Variants in GOLGA1 observed in about 807,000 individuals in gnomAD.
GOLGA1 encodes the protein golgin subfamily A member 1.
In GOLGA1, 63 loss-of-function variants were observed where a neutral mutation model predicts 119.7. The observed-to-expected ratio is 0.53, with a 90% CI of 0.43 to 0.65. The LOEUF (loss-of-function observed/expected upper bound fraction) is 0.65, where lower values mean the gene tolerates loss of function less well. Ranked by LOEUF, GOLGA1 falls within the 30% of genes least tolerant of loss-of-function variation. The pLI, the probability that GOLGA1 is intolerant of heterozygous loss-of-function variation, is 0.00. For synonymous variants in GOLGA1, 318 were observed against 333.4 expected, an observed-to-expected ratio of 0.95 and a Z score of 0.50; for missense variants, 798 against 912.8, an observed-to-expected ratio of 0.87 and a Z score of 1.62.
At chr9:124,913,750 C>A (rs662261) in intron 10 of GOLGA1, among the ~76,000 whole-genome samples, 149,682 of 152,320 alleles carry the variant, frequency 0.98, 73,594 homozygotes, top group East Asian at 1. Context: ...CAGACACACA[C>A]CTAATTACAA....
intron 7 of GOLGA1, among the ~76,000 whole-genome samples, chr9:124,924,722 A>G (rs573324562): frequency 6.6e-6 from 1 of 152,018 alleles, no homozygotes; most frequent in East Asian, 1.9e-4. Flanking sequence ...GACTGAAAAA[A>G]AAAAAAAAAA....
At position 124,888,318 on chromosome 9, in the gene GOLGA1, T is replaced by C. The variant is rs748619916; in HGVS notation, c.1840A>G (p.Met614Val). The C allele has an allele frequency of 1.9e-6, 3 of 1,613,846 alleles. No individual in the cohort carries two copies. The highest frequency in any genetic ancestry group is 2.7e-5 in the African/African-American group (2 of 74,914). Residue 614 changes from methionine (M) to valine (V), a missense_variant, in exon 19 of 23, where the codon ATG (methionine) becomes GTG (valine). Transcript: ENST00000373555. This position sits in a 1 kb window ranked among gnomAD's most constrained non-coding sequence, Gnocchi z 4.4. ...GRTPNGEVGAMDLTQLQKEKQ... is the reference protein window; with the variant it reads ...GRTPNGEVGAVDLTQLQKEKQ... Reference sequence around the variant, plus strand: ...TCCTTCTGTAGCTGTGTGAGATCCATGGCCCCAACCTCACCATTTGGTGTT... The same window carrying C: ...TCCTTCTGTAGCTGTGTGAGATCCACGGCCCCAACCTCACCATTTGGTGTT...
In GOLGA1 at chr9:124,880,464, G is replaced by T; in HGVS notation, c.*66C>A. 1 of 861,108 alleles carries T rather than the reference G, an allele frequency of 1.2e-6. No individual in the cohort carries two copies. The highest frequency in any genetic ancestry group is 2.0e-6 in the Non-Finnish European group (1 of 495,176). 53.3% of individuals were successfully genotyped at this position (861,108 alleles called of 1,614,324 possible). A position where few individuals can be genotyped will look rare whatever the true frequency, so the allele number is the denominator to read the frequency against. ...AGTGATTAAAAACCCACCCAGACTG[G>T]TGTGTCAGTGTTCTTTTCACAGAAA... On this transcript the variant is annotated 3_prime_UTR_variant, in exon 23 of 23. Transcript: ENST00000373555.
At chr9:124,894,863 AAGAACTTCCACAACAG>A (rs1169055753) in intron 15 of GOLGA1, among the ~76,000 whole-genome samples, 4 of 152,170 alleles carry the variant, frequency 2.6e-5, no homozygotes, top group African/African-American at 9.7e-5. Context: ...AAATACAACA[AAGAACTTCCACAACAG>A]AGAACCTCCA....
Position 124,898,605 on chromosome 9 carries a change from T to G in GOLGA1, c.1351A>C (p.Arg451=). Residue 451 remains arginine (R), a synonymous_variant, in exon 15 of 23, where the codon AGG becomes CGG. Transcript: ENST00000373555. Reference sequence around the variant, plus strand: ...TGTAAAGAACGTTCATATTCATTCCTGCATTCTTTAAGGGCTGCATTTTCT... The same window carrying G: ...TGTAAAGAACGTTCATATTCATTCCGGCATTCTTTAAGGGCTGCATTTTCT... The part of the protein sequence containing the change: ...EQENAALKEC[R]NEYERSLQNH... 1 of 1,611,858 alleles carries G rather than the reference T, an allele frequency of 6.2e-7. No individual in the cohort carries two copies.
Position 124,921,879 on chromosome 9 carries a change from T to C in GOLGA1, c.575A>G (p.Glu192Gly). 1 of 1,612,398 alleles carries C rather than the reference T, an allele frequency of 6.2e-7. No individual in the cohort carries two copies. The highest frequency in any genetic ancestry group is 8.5e-7 in the Non-Finnish European group (1 of 1,179,426). The change falls in exon 9 of 23, where the codon GAA becomes GGA. Residue 192 changes from glutamate (E) to glycine (G), a missense_variant. Transcript: ENST00000373555. The stretch of plus-strand genomic sequence containing the variant: ...TTGTTCCATTTTCCCTAGACTTTCT[T>C]CTTTTTTTAAAAGCTGACACAAAAA... Reference protein sequence around the residue: ...SKIKHMLLKKEESLGKMEQEL... With the variant: ...SKIKHMLLKKGESLGKMEQEL...
rs1830606523 is a variant in GOLGA1 at position 124,923,242 on chromosome 9, C to G, written c.433-19G>C. The G allele has an allele frequency of 1.3e-6, 2 of 1,566,714 alleles. No individual in the cohort carries two copies. The highest frequency in any genetic ancestry group is 8.7e-7 in the Non-Finnish European group (1 of 1,149,130). On this transcript the variant is annotated intron_variant, in intron 7 of 22. Transcript: ENST00000373555. ...TTTTCTCCTATTTGAAAGAAGAAGACATCAACTCAGGCAACGAAAGCATTA... is the reference window on the plus strand; with the variant it reads ...TTTTCTCCTATTTGAAAGAAGAAGAGATCAACTCAGGCAACGAAAGCATTA...
rs151188998 is a variant in GOLGA1, at chr9:124,912,606, G to A, written c.844-580C>T. Among the ~76,000 whole-genome samples the A allele has an allele frequency of 9.8e-3, 1,489 of 152,222 alleles. 19 individuals are homozygous for A. The highest frequency in any genetic ancestry group is 0.034 in the African/African-American group (1,418 of 41,536). On this transcript the variant is annotated intron_variant, in intron 10 of 22. Transcript: ENST00000373555. ...TGCCTTGGCTGGAGTACAGTGGCGC[G>A]ATCTCGGCTCACTGCAACATCCACC...
intron 2 of GOLGA1, among the ~76,000 whole-genome samples, chr9:124,939,852 G>A (rs1191072450): frequency 1.3e-5 from 2 of 152,086 alleles, no homozygotes; most frequent in African/African-American, 4.8e-5. Context: ...ATAAGCCACT[G>A]CGCCCGGCCT....
chr9:124,938,246 T>C (rs1830918106), intron 3 of GOLGA1, among the ~76,000 whole-genome samples: 1 of 152,132 alleles, frequency 6.6e-6, no homozygotes, highest in Admixed American at 6.5e-5. Context: ...TATATAAGTA[T>C]ATATGTCTGC....
intron 19 of GOLGA1, among the ~76,000 whole-genome samples, chr9:124,886,873 A>C (rs1031254466): frequency 1.6e-4 from 24 of 151,132 alleles, no homozygotes; most frequent in Non-Finnish European, 2.7e-4. Flanking sequence ...TTAGGGGCAG[A>C]GGGGCGTGAA....
At chr9:124,926,803 T>C (rs1830683464) in intron 6 of GOLGA1, 62 bp from the exon 7 acceptor site, 1 of 856,288 alleles carries the variant, frequency 1.2e-6, no homozygotes, top group East Asian at 2.8e-5. Context: ...ACCAAGATTT[T>C]CAGAAAACAA....
intron 4 of GOLGA1, among the ~76,000 whole-genome samples, 194 bp from the exon 5 acceptor site, chr9:124,929,484 T>C (rs1013066338): frequency 6.6e-6 from 1 of 152,184 alleles, no homozygotes; most frequent in Admixed American, 6.5e-5. Context: ...AAACTATCCA[T>C]GGTGTATAAA....
At chr9:124,928,780 A>C (rs1446727847) in intron 5 of GOLGA1, among the ~76,000 whole-genome samples, 1 of 152,224 alleles carries the variant, frequency 6.6e-6, no homozygotes, top group Non-Finnish European at 1.5e-5. Flanking sequence ...TGGTACCCAA[A>C]GAATATATGA....
intron 3 of GOLGA1, among the ~76,000 whole-genome samples, chr9:124,935,540 T>G (rs1419401717): frequency 6.6e-6 from 1 of 152,148 alleles, no homozygotes; most frequent in Non-Finnish European, 1.5e-5. Context: ...AAGCTGCCTG[T>G]AATCCTAGCA....
intron 12 of GOLGA1, among the ~76,000 whole-genome samples, chr9:124,906,116 A>AAATTAAATAAAT (rs1397951241): frequency 6.9e-6 from 1 of 145,038 alleles, no homozygotes; most frequent in Non-Finnish European, 1.5e-5. Flanking sequence ...GTGTCTCCAA[A>AAATTAAATAAAT]AAATAAATAA....
At chr9:124,921,069 T>C in intron 10 of GOLGA1, 60 bp downstream of exon 10, 1 of 1,043,112 alleles carries the variant, frequency 9.6e-7, no homozygotes, top group South Asian at 1.3e-5. Context: ...CAGAAATTTC[T>C]GAAAGAATTA....
rs1190124469 is a variant in GOLGA1 at position 124,879,022 on chromosome 9, AGAGCCT to A, written c.*1502_*1507del. 6.6e-6 allele frequency: 1 copy of A among 152,234 alleles called. No individual in the cohort carries two copies. Among genetic ancestry groups the A allele is most frequent in the African/African-American group, 2.4e-5 (1 of 41,470 alleles). The allele number at this position is 152,234 out of a possible 1,614,324, so 9.4% of individuals were successfully genotyped here. A position where few individuals can be genotyped will look rare whatever the true frequency, so the allele number is the denominator to read the frequency against. On this transcript the variant is annotated 3_prime_UTR_variant, in exon 23 of 23. Coordinates refer to ENST00000373555, the MANE Select transcript of GOLGA1 (RefSeq NM_002077.4). The stretch of plus-strand genomic sequence containing the variant: ...TGGAGAAGCGGCCTCTGGAAGGCAG[AGAGCCT>A]GAGCTGGGACTAAGGAGATGCTGCC...
At chr9:124,917,652 A>G (rs1830476124) in intron 10 of GOLGA1, among the ~76,000 whole-genome samples, 1 of 152,066 alleles carries the variant, frequency 6.6e-6, no homozygotes, top group Non-Finnish European at 1.5e-5. Context: ...GTAATCTGTT[A>G]TTCTCTCTTA....
Sources: gnomAD v4.1 joint callset for allele counts (sites outside exome capture counted in the v4.1 genomes callset) on GRCh38, gnomAD v4.1.1 for gene constraint, Gnocchi (gnomAD v3.1) non-coding constraint, MANE v1.5 for transcripts, NCBI Gene and HGNC (gene_info 2026-07-23, HGNC 2026-07-21) for gene names.